ADGRL2: variants seen among roughly 807,000 people sequenced by gnomAD.
The protein encoded by ADGRL2 is calcium-independent alpha-latrotoxin receptor 2.
A neutral mutation model predicts 157.4 loss-of-function variants in ADGRL2; 44 were observed. That is an observed-to-expected ratio of 0.28 (90% CI 0.22 to 0.36). ADGRL2 has a LOEUF of 0.36. Among genes scored for constraint, ADGRL2 ranks in the 10% least tolerant of loss-of-function variants. ADGRL2 has a pLI of 1.00. For missense variants in ADGRL2, 1,510 were observed against 1,768.9 expected (o/e 0.85, Z 2.63); for synonymous variants, 585 against 624.7 (o/e 0.94, Z 0.95).
intron 2 of ADGRL2, among the ~76,000 whole-genome samples, chr1:81,786,296 A>T (rs2087041621): frequency 6.6e-6 from 1 of 152,182 alleles, no homozygotes; most frequent in South Asian, 2.1e-4. Context: ...TTCTTAATTT[A>T]GCCAGGTACA....
intron 3 of ADGRL2, among the ~76,000 whole-genome samples, chr1:81,683,973 T>C (rs1322406798): frequency 3.3e-5 from 5 of 151,990 alleles, no homozygotes; most frequent in Admixed American, 2.0e-4. Flanking sequence ...CACGCCACCA[T>C]GCCCGGCTCA....
intron 2 of ADGRL2, among the ~76,000 whole-genome samples, chr1:81,864,720 G>A (rs1289983481): frequency 1.3e-5 from 2 of 152,140 alleles, no homozygotes; most frequent in Admixed American, 6.6e-5. Context: ...CCAGCACTTT[G>A]GGAGGCTGAG....
chr1:81,614,623 C>G (rs1011922743), intron 3 of ADGRL2, among the ~76,000 whole-genome samples: 1 of 152,106 alleles, frequency 6.6e-6, no homozygotes, highest in Non-Finnish European at 1.5e-5. Context: ...GCAGTTCTAC[C>G]CCTAGATTCC....
At chr1:81,728,783 T>C (rs1401826895) in intron 1 of ADGRL2, among the ~76,000 whole-genome samples, 1 of 152,192 alleles carries the variant, frequency 6.6e-6, no homozygotes, top group East Asian at 1.9e-4. Context: ...TGCCTGTCCA[T>C]GCTGAAACAT....
At chr1:81,691,352 G>T (rs1237607831) in intron 3 of ADGRL2, among the ~76,000 whole-genome samples, 2 of 150,242 alleles carry the variant, frequency 1.3e-5, no homozygotes, top group Non-Finnish European at 1.5e-5. Context: ...CCTATAAATT[G>T]GTTAAAGATA....
At chr1:81,404,935 G>T (rs2076826358) in intron 1 of ADGRL2, among the ~76,000 whole-genome samples, 1 of 152,120 alleles carries the variant, frequency 6.6e-6, no homozygotes, top group Non-Finnish European at 1.5e-5. Context: ...TATCTTAATT[G>T]ACTATAAATA....
At chr1:81,516,357 A>G (rs79826561) in intron 2 of ADGRL2, among the ~76,000 whole-genome samples, 2,793 of 152,246 alleles carry the variant, frequency 0.018, 73 homozygotes, top group African/African-American at 0.064. Flanking sequence ...TGGCCAAGAA[A>G]GACAATTATG....
At chr1:81,828,821 C>G (rs1290758536) in intron 1 of ADGRL2, among the ~76,000 whole-genome samples, 1 of 152,098 alleles carries the variant, frequency 6.6e-6, no homozygotes, top group Non-Finnish European at 1.5e-5. Context: ...TACCTAACAG[C>G]CACTCAAAAT....
At chr1:81,843,849 C>T (rs17467863) in intron 2 of ADGRL2, among the ~76,000 whole-genome samples, 2,218 of 152,202 alleles carry the variant, frequency 0.015, 32 homozygotes, top group Admixed American at 0.031. Flanking sequence ...GCTTGATTGT[C>T]GATTTTTTTT....
intron 2 of ADGRL2, among the ~76,000 whole-genome samples, chr1:81,895,141 G>A (rs113213196): frequency 6.2e-4 from 94 of 152,132 alleles, no homozygotes; most frequent in African/African-American, 1.9e-3. Context: ...ATTAGTCTTC[G>A]GATTCAGAGA....
chr1:81,501,799 G>T (rs566375113), intron 2 of ADGRL2: 2 of 1,605,598 alleles, frequency 1.2e-6, no homozygotes, highest in African/African-American at 2.7e-5. Flanking sequence ...AGCAGCAGCA[G>T]CAGCAGCAGC....
At chr1:81,946,449 T>C (rs1358205800) in intron 6 of ADGRL2, among the ~76,000 whole-genome samples, 1 of 151,622 alleles carries the variant, frequency 6.6e-6, no homozygotes, top group Non-Finnish European at 1.5e-5. Flanking sequence ...CTTCTCCCTC[T>C]CTGGAATGGC....
intron 3 of ADGRL2, among the ~76,000 whole-genome samples, chr1:81,923,635 G>A (rs1017208082): frequency 3.3e-5 from 5 of 152,062 alleles, no homozygotes; most frequent in African/African-American, 9.7e-5. Flanking sequence ...GACAACTAGT[G>A]TATACCTGAA....
intron 3 of ADGRL2, among the ~76,000 whole-genome samples, chr1:81,665,551 C>A (rs1365996351): frequency 6.6e-6 from 1 of 152,140 alleles, no homozygotes; most frequent in Non-Finnish European, 1.5e-5. Flanking sequence ...GACATTGGGT[C>A]TCCTACCTCC....
At chr1:81,496,669 GAAA>G (rs11315453) in intron 2 of ADGRL2, among the ~76,000 whole-genome samples, 1 of 142,884 alleles carries the variant, frequency 7.0e-6, no homozygotes. Flanking sequence ...AGCTGTTGAG[GAAA>G]AAAAAAAAAA....
intron 3 of ADGRL2, among the ~76,000 whole-genome samples, chr1:81,582,212 T>G (rs2080930166): frequency 6.6e-6 from 1 of 151,902 alleles, no homozygotes; most frequent in African/African-American, 2.4e-5. Flanking sequence ...AGAGTGAGAC[T>G]CTGTCTCAAA....
At chr1:81,781,067 T>G (rs1255098073) in intron 2 of ADGRL2, among the ~76,000 whole-genome samples, 1 of 152,220 alleles carries the variant, frequency 6.6e-6, no homozygotes, top group Non-Finnish European at 1.5e-5. Flanking sequence ...TTTTACTTAT[T>G]TATTTATTTT....
At chr1:81,328,852 G>A (rs886657433) in intron 1 of ADGRL2, among the ~76,000 whole-genome samples, 1 of 151,672 alleles carries the variant, frequency 6.6e-6, no homozygotes, top group Non-Finnish European at 1.5e-5. Context: ...AACATCAAAG[G>A]GCACAGAAGC....
intron 2 of ADGRL2, among the ~76,000 whole-genome samples, chr1:81,875,421 G>A (rs778610652): frequency 3.9e-5 from 6 of 152,110 alleles, no homozygotes; most frequent in African/African-American, 9.7e-5. Flanking sequence ...AGCAAAATTT[G>A]ATTAAAGCAG....
Sources: allele counts gnomAD v4.1 joint callset (sites outside exome capture counted in the v4.1 genomes callset), GRCh38; gene constraint gnomAD v4.1.1; transcripts MANE v1.5; gene names NCBI Gene and HGNC (gene_info 2026-07-23, HGNC 2026-07-21).